PTPRD: variants seen among roughly 807,000 people sequenced by gnomAD.
PTPRD encodes receptor-type tyrosine-protein phosphatase delta.
Under a neutral mutation model 214.5 loss-of-function variants are expected in PTPRD, and 34 were observed. That is an observed-to-expected ratio of 0.16 (90% CI 0.12 to 0.21). The LOEUF (loss-of-function observed/expected upper bound fraction) is 0.21, where lower values mean the gene tolerates loss of function less well. Among genes scored for constraint, PTPRD ranks in the 10% least tolerant of loss-of-function variants. The pLI is 1.00. For synonymous variants in PTPRD, 1,128 were observed against 845.7 expected (o/e 1.33, Z -5.79); for missense variants, 2,545 against 2,398.7 (o/e 1.06, Z -1.27).
At chr9:8,860,926 G>C (rs2154545648) in intron 11 of PTPRD, 1 of 152,270 alleles carries the variant, frequency 6.6e-6, no homozygotes, top group East Asian at 1.9e-4. Flanking sequence ...AAAGAAGCCA[G>C]TTTTCCAACT....
chr9:8,761,839 G>T (rs1337835784), intron 11 of PTPRD, among the ~76,000 whole-genome samples: 1 of 152,136 alleles, frequency 6.6e-6, no homozygotes, highest in Non-Finnish European at 1.5e-5. Context: ...AGGAAGATGA[G>T]ATTACAGTTT....
At chr9:8,539,624 C>A (rs1016026217) in intron 14 of PTPRD, among the ~76,000 whole-genome samples, 9 of 151,940 alleles carry the variant, frequency 5.9e-5, no homozygotes, top group Non-Finnish European at 8.8e-5. Context: ...AATTCAAATT[C>A]TTGTGCTGAG....
intron 9 of PTPRD, among the ~76,000 whole-genome samples, chr9:9,362,932 G>A (rs1421541117): frequency 6.6e-6 from 1 of 151,130 alleles, no homozygotes; most frequent in East Asian, 1.9e-4. Flanking sequence ...GGTCAGTGGT[G>A]GAACGTAGAT....
chr9:9,986,000 A>T lies in PTPRD; in HGVS notation c.-471-47390T>A, dbSNP rs142069696. Among the ~76,000 whole-genome samples the T allele has an allele frequency of 8.2e-3, 1,252 of 152,206 alleles. 10 individuals carry two copies. Among genetic ancestry groups the T allele is most frequent in the African/African-American group, 0.028 (1,161 of 41,552 alleles). ...GAAGACTACTTAATTTGGTTTGGGG[A>T]ATAAGGAGGACAGCTACAGGCACCC... is the stretch of plus-strand genomic sequence containing the variant. On this transcript the variant is annotated intron_variant, in intron 4 of 45. Transcript: ENST00000381196.
chr9:10,569,832 C>A (rs369745972), intron 2 of PTPRD, among the ~76,000 whole-genome samples: 2 of 151,890 alleles, frequency 1.3e-5, no homozygotes, highest in Non-Finnish European at 2.9e-5. Context: ...AACTAATGAG[C>A]TTGGTATATT....
Position 10,251,706 on chromosome 9 carries a change from T to C in PTPRD, c.-545+89257A>G, listed in dbSNP as rs144525358. ...TTAGTGAGTCACTTTGAACAGATTA[T>C]AGTTTCCTAATATGGCCTTAGCAGT... On this transcript the variant is annotated intron_variant, in intron 3 of 45. Coordinates refer to ENST00000381196, the MANE Select transcript of PTPRD (RefSeq NM_002839.4). 4.0e-3 allele frequency among the ~76,000 whole-genome samples: 614 copies of C among 152,316 alleles called. 7 individuals are homozygous for C. Among genetic ancestry groups the C allele is most frequent in the African/African-American group, 0.013 (555 of 41,578 alleles).
At chr9:8,420,002 T>C (rs2094241812) in intron 35 of PTPRD, among the ~76,000 whole-genome samples, 1 of 152,134 alleles carries the variant, frequency 6.6e-6, no homozygotes, top group South Asian at 2.1e-4. Context: ...TCTTTGTATG[T>C]ATTGAGTGTC....
At chr9:9,969,851 C>T (rs539880116) in intron 4 of PTPRD, among the ~76,000 whole-genome samples, 1 of 152,274 alleles carries the variant, frequency 6.6e-6, no homozygotes, top group East Asian at 1.9e-4. Context: ...TTACTGCTTG[C>T]AGAAAGCTGT....
At chr9:8,823,243 C>T (rs1347057085) in intron 11 of PTPRD, among the ~76,000 whole-genome samples, 2 of 152,118 alleles carry the variant, frequency 1.3e-5, no homozygotes, top group Non-Finnish European at 1.5e-5. Flanking sequence ...TTCAGTGTTC[C>T]ACTGAACCCC....
chr9:10,274,287 A>G (rs1415592646), intron 3 of PTPRD, among the ~76,000 whole-genome samples: 2 of 152,150 alleles, frequency 1.3e-5, no homozygotes. Flanking sequence ...AAACAGATTG[A>G]CTTGCTAGGA....
chr9:8,330,590 GATAAAGGTTTGCTTCT>G (rs1285324362), intron 44 of PTPRD, among the ~76,000 whole-genome samples: 1 of 151,992 alleles, frequency 6.6e-6, no homozygotes, highest in Non-Finnish European at 1.5e-5. Context: ...AATGTACATA[GATAAAGGTTTGCTTCT>G]TATAACATGC....
chr9:8,855,896 C>T (rs1432342501), intron 11 of PTPRD, among the ~76,000 whole-genome samples: 1 of 152,150 alleles, frequency 6.6e-6, no homozygotes, highest in Non-Finnish European at 1.5e-5. Context: ...AACTGACCAG[C>T]TTGTCAATTT....
rs188556981 is a variant in PTPRD, at chr9:8,788,374, C to G, written c.-103-54428G>C. On this transcript the variant is annotated intron_variant, in intron 11 of 45. Transcript: ENST00000381196. The stretch of plus-strand genomic sequence containing the variant: ...CACCACAACCTCCGCCTCTCAGGTT[C>G]AAGCCATTCTCCTGCCTCAGCCTCC... Among the ~76,000 whole-genome samples the G allele has an allele frequency of 3.3e-3, 479 of 145,114 alleles. 2 individuals carry two copies. Among genetic ancestry groups the G allele is most frequent in the South Asian group, 7.4e-3 (34 of 4,576 alleles).
chr9:8,344,739 T>G lies in PTPRD; in HGVS notation c.4662-2761A>C, dbSNP rs148329399. ...TGAAGCAAGACCTTGAGGCTTAAGGTACCTCTTCAGACATCAATGGCTGTG... is the reference window on the plus strand; with the variant it reads ...TGAAGCAAGACCTTGAGGCTTAAGGGACCTCTTCAGACATCAATGGCTGTG... On this transcript the variant is annotated intron_variant, in intron 39 of 45. Transcript: ENST00000381196. Among the ~76,000 whole-genome samples, 965 of 152,130 alleles carry G rather than the reference T, an allele frequency of 6.3e-3. 6 individuals are homozygous for G. The highest frequency in any genetic ancestry group is 0.022 in the African/African-American group (910 of 41,542).
intron 5 of PTPRD, among the ~76,000 whole-genome samples, chr9:9,906,570 T>G (rs1205426465): frequency 6.6e-6 from 1 of 151,940 alleles, no homozygotes; most frequent in Non-Finnish European, 1.5e-5. Context: ...AAGACAGACA[T>G]TCCTATGACA....
intron 2 of PTPRD, among the ~76,000 whole-genome samples, chr9:10,379,467 A>G (rs946303838): frequency 6.6e-6 from 1 of 151,946 alleles, no homozygotes; most frequent in African/African-American, 2.4e-5. Flanking sequence ...AGGCTTACAA[A>G]ATGGATAATT....
At chr9:8,451,657 C>T (rs980583217) in intron 33 of PTPRD, among the ~76,000 whole-genome samples, 1 of 152,154 alleles carries the variant, frequency 6.6e-6, no homozygotes, top group East Asian at 1.9e-4. Flanking sequence ...TGCAGCCAGC[C>T]AGTCAATTCC....
intron 3 of PTPRD, among the ~76,000 whole-genome samples, chr9:10,048,631 A>C (rs1020630602): frequency 3.3e-5 from 5 of 152,048 alleles, no homozygotes; most frequent in Admixed American, 3.3e-4. Flanking sequence ...GGGGGAAAAA[A>C]ATCTTCGAGG....
At chr9:9,085,967 GA>G (rs377202772) in intron 10 of PTPRD, among the ~76,000 whole-genome samples, 5 of 152,198 alleles carry the variant, frequency 3.3e-5, no homozygotes, top group African/African-American at 1.2e-4. Flanking sequence ...CTCCACCAGT[GA>G]AAACATTTTG....
Sources: gnomAD v4.1 joint callset for allele counts (sites outside exome capture counted in the v4.1 genomes callset) on GRCh38, gnomAD v4.1.1 for gene constraint, MANE v1.5 for transcripts, NCBI Gene and HGNC (gene_info 2026-07-23, HGNC 2026-07-21) for gene names.